Variants in MNAT1 observed in about 807,000 individuals in gnomAD.
The protein encoded by MNAT1 is CDK-activating kinase assembly factor MAT1.
In MNAT1, 43 loss-of-function variants were observed where a neutral mutation model predicts 42.0. That is an observed-to-expected ratio of 1.02 (90% CI 0.80 to 1.32). The LOEUF is 1.32. Among genes scored for constraint, MNAT1 ranks in the 40% most tolerant of loss-of-function variants. The pLI is 0.00. For missense variants in MNAT1, 306 were observed against 350.4 expected, an observed-to-expected ratio of 0.87 and a Z score of 1.01; for synonymous variants, 118 against 120.0, an observed-to-expected ratio of 0.98 and a Z score of 0.11.
intron 7 of MNAT1, among the ~76,000 whole-genome samples, chr14:60,938,589 G>T (rs1310596650): frequency 1.3e-5 from 2 of 152,164 alleles, no homozygotes; most frequent in Non-Finnish European, 2.9e-5. Flanking sequence ...ACTTGATCAT[G>T]GTGGATAAGT....
Position 60,845,184 on chromosome 14 carries a change from G to T in MNAT1, c.687+26337G>T, listed in dbSNP as rs536113995. 6.6e-5 allele frequency among the ~76,000 whole-genome samples: 10 copies of T among 151,696 alleles called. No individual in the cohort carries two copies. The East Asian group carries it at 1.9e-3, about 29-fold the overall frequency. Reference sequence around the variant, plus strand: ...TACTACCTTATGTTTGAAAGAGTTTGTATGAAATTAATGTTTTTTTTTTAT... The same window carrying T: ...TACTACCTTATGTTTGAAAGAGTTTTTATGAAATTAATGTTTTTTTTTTAT... On this transcript the variant is annotated intron_variant, in intron 6 of 7. Transcript: ENST00000261245.
chr14:60,913,544 C>G (rs1478432149), intron 7 of MNAT1, among the ~76,000 whole-genome samples: 1 of 152,162 alleles, frequency 6.6e-6, no homozygotes, highest in Non-Finnish European at 1.5e-5. Flanking sequence ...TTCCTTCTAA[C>G]AGTCAGGACC....
rs567640476 is a variant in MNAT1 at position 60,939,737 on chromosome 14, G to A, written c.810-28492G>A. 4.6e-5 allele frequency among the ~76,000 whole-genome samples: 7 copies of A among 152,298 alleles called. No homozygotes were observed. In the South Asian group the frequency reaches 1.5e-3, roughly 32 times the overall value. ...ATTTGGGTTGGAGAGTTCTGTAGAT[G>A]TCTATTAGGTCTGCTTGGTGCAGAG... On this transcript the variant is annotated intron_variant, in intron 7 of 7. Transcript: ENST00000261245.
chr14:60,955,228 A>C (rs968158771), intron 7 of MNAT1, among the ~76,000 whole-genome samples: 2 of 152,204 alleles, frequency 1.3e-5, no homozygotes, highest in African/African-American at 4.8e-5. Flanking sequence ...TCATAAAATA[A>C]GCTTGGAAGT....
chr14:60,852,722 A>G (rs1284051433), intron 6 of MNAT1, among the ~76,000 whole-genome samples: 2 of 152,104 alleles, frequency 1.3e-5, no homozygotes, highest in Non-Finnish European at 2.9e-5. Context: ...TAATTTTTGT[A>G]TAAGGTGTAA....
intron 6 of MNAT1, among the ~76,000 whole-genome samples, chr14:60,833,559 G>A (rs1368702080): frequency 1.3e-5 from 2 of 152,190 alleles, no homozygotes; most frequent in Non-Finnish European, 2.9e-5. Flanking sequence ...GCTTTTGGAT[G>A]TGCTGGTGGA....
chr14:60,828,552 A>G (rs999232023), intron 6 of MNAT1, among the ~76,000 whole-genome samples: 1 of 145,146 alleles, frequency 6.9e-6, no homozygotes, highest in Non-Finnish European at 1.5e-5. Flanking sequence ...TTTGGTTGTT[A>G]TTTCGTTTTC....
intron 6 of MNAT1, among the ~76,000 whole-genome samples, chr14:60,829,871 C>T (rs1393572718): frequency 1.3e-5 from 2 of 152,124 alleles, no homozygotes; most frequent in African/African-American, 4.8e-5. Flanking sequence ...CAGATTTCAG[C>T]TTTATAGATA....
At chr14:60,949,247 C>A (rs778699181) in intron 7 of MNAT1, among the ~76,000 whole-genome samples, 4 of 152,000 alleles carry the variant, frequency 2.6e-5, no homozygotes, top group Non-Finnish European at 5.9e-5. Context: ...CTAATTGTAG[C>A]GGGTTCTCTC....
intron 7 of MNAT1, among the ~76,000 whole-genome samples, chr14:60,881,225 C>T (rs1190776302): frequency 6.6e-6 from 1 of 152,104 alleles, no homozygotes; most frequent in Admixed American, 6.6e-5. Flanking sequence ...CACTTTGTCA[C>T]CCAGGCTGGA....
At chr14:60,967,963 T>C (rs2036713110) in intron 7 of MNAT1, among the ~76,000 whole-genome samples, 1 of 152,176 alleles carries the variant, frequency 6.6e-6, no homozygotes, top group African/African-American at 2.4e-5. Context: ...GCAGTGAATA[T>C]TTTAGAATTA....
chr14:60,929,170 A>T (rs12882793), intron 7 of MNAT1, among the ~76,000 whole-genome samples: 38,348 of 47,316 alleles, frequency 0.81, 16,019 homozygotes, highest in Middle Eastern at 0.9. Context: ...AAAAAAAAAA[A>T]ATATATATAT....
chr14:60,948,947 T>G (rs1443998929), intron 7 of MNAT1, among the ~76,000 whole-genome samples: 1 of 152,184 alleles, frequency 6.6e-6, no homozygotes, highest in African/African-American at 2.4e-5. Flanking sequence ...AAAATTTCCT[T>G]CCAGTTTTAG....
intron 7 of MNAT1, among the ~76,000 whole-genome samples, chr14:60,905,665 C>T (rs2035181105): frequency 6.6e-6 from 1 of 152,160 alleles, no homozygotes; most frequent in African/African-American, 2.4e-5. Flanking sequence ...AGGTGAAAGT[C>T]ATGGAGTATG....
chr14:60,759,306 T>C (rs2030496842), intron 1 of MNAT1, among the ~76,000 whole-genome samples: 1 of 152,220 alleles, frequency 6.6e-6, no homozygotes. Context: ...CTTCTCTCTC[T>C]CCTCAGCTTC....
At chr14:60,950,554 A>G (rs1186935633) in intron 7 of MNAT1, among the ~76,000 whole-genome samples, 2 of 152,204 alleles carry the variant, frequency 1.3e-5, no homozygotes, top group African/African-American at 2.4e-5. Flanking sequence ...AATGCAGCCC[A>G]ACACAAATTC....
At chr14:60,792,162 T>G (rs1349940623) in intron 1 of MNAT1, among the ~76,000 whole-genome samples, 1 of 152,170 alleles carries the variant, frequency 6.6e-6, no homozygotes, top group Non-Finnish European at 1.5e-5. Context: ...GTGTTTTCCA[T>G]GAATCCTTAA....
chr14:60,940,896 A>G (rs1042930887), intron 7 of MNAT1, among the ~76,000 whole-genome samples: 84 of 151,676 alleles, frequency 5.5e-4, no homozygotes, highest in African/African-American at 2.0e-3. Flanking sequence ...TCAATTTAAA[A>G]AAAAAGTTAG....
intron 1 of MNAT1, among the ~76,000 whole-genome samples, chr14:60,741,665 T>TA: frequency 6.9e-6 from 1 of 145,842 alleles, no homozygotes; most frequent in Non-Finnish European, 1.5e-5. Context: ...GGGGTTTTTT[T>TA]TTTTTTTTTT....
Sources: allele counts gnomAD v4.1 joint callset (sites outside exome capture counted in the v4.1 genomes callset), GRCh38; gene constraint gnomAD v4.1.1; transcripts MANE v1.5; gene names NCBI Gene and HGNC (gene_info 2026-07-23, HGNC 2026-07-21).